The following SCLY variants were observed in gnomAD, a reference collection of about 807,000 sequenced individuals.
SCLY encodes the protein selenocysteine lyase.
A neutral mutation model predicts 50.1 loss-of-function variants in SCLY; 38 were observed. That is an observed-to-expected ratio of 0.76 (90% CI 0.59 to 0.99). SCLY has a LOEUF of 0.99. SCLY is among the 50% of genes least tolerant of loss of function. The pLI is 0.00. For synonymous variants in SCLY, 243 were observed against 249.4 expected, an observed-to-expected ratio of 0.97 and a Z score of 0.24; for missense variants, 600 against 620.0, an observed-to-expected ratio of 0.97 and a Z score of 0.34.
chr2:238,082,354 G>C, intron 6 of SCLY, 145 bp downstream of exon 6: 1 of 747,030 alleles, frequency 1.3e-6, no homozygotes, highest in Non-Finnish European at 2.1e-6. Context: ...TTGTCCTCAG[G>C]AGCTTTAAGA....
intron 8 of SCLY, chr2:238,093,379 C>A (rs1031024092): frequency 5.4e-6 from 1 of 184,350 alleles, no homozygotes; most frequent in African/African-American, 2.3e-5. Flanking sequence ...GCCTTCACCC[C>A]CTCCACACTC....
chr2:238,086,002 A>G (rs373867037), intron 7 of SCLY, among the ~76,000 whole-genome samples: 1 of 152,232 alleles, frequency 6.6e-6, no homozygotes, highest in East Asian at 1.9e-4. Context: ...GAATTCTCTA[A>G]AGCAGTCAGA....
chr2:238,091,800 A>C (rs1354633991), intron 8 of SCLY: 4 of 160,170 alleles, frequency 2.5e-5, no homozygotes, highest in African/African-American at 9.6e-5. Flanking sequence ...CATGAACCAC[A>C]GCTACATTGG....
chr2:238,098,328 C>G lies in SCLY; in HGVS notation c.1311C>G (p.Ala437=), dbSNP rs144509712. The G allele has an allele frequency of 1.2e-6, 2 of 1,603,766 alleles. No individual in the cohort carries two copies. The highest frequency in any genetic ancestry group is 2.2e-5 in the East Asian group (1 of 44,792). The change falls in exon 12 of 12, where the codon GCC becomes GCG. Residue 437 remains alanine (A), a synonymous_variant. Coordinates refer to ENST00000254663, the MANE Select transcript of SCLY (RefSeq NM_016510.7). ...TCGTCGTGCAGGACCTGAAGCAGGC[C>G]GTGGCGCAGCTGGAGGACCAGGCCT... The part of the protein sequence containing the change: ...VDLVVQDLKQ[A]VAQLEDQA
chr2:238,079,513 T>C (rs1050262306), intron 4 of SCLY: 1 of 152,264 alleles, frequency 6.6e-6, no homozygotes, highest in African/African-American at 2.4e-5. Flanking sequence ...CTTTCCTTAA[T>C]AGACAATTCT....
intron 4 of SCLY, among the ~76,000 whole-genome samples, chr2:238,071,566 G>A (rs1367987536): frequency 2.0e-5 from 3 of 152,288 alleles, no homozygotes; most frequent in Non-Finnish European, 2.9e-5. Flanking sequence ...AGCCAAAATC[G>A]TGCCACTGCA....
intron 4 of SCLY, among the ~76,000 whole-genome samples, chr2:238,070,450 C>T (rs1057211801): frequency 6.6e-5 from 10 of 151,994 alleles, no homozygotes; most frequent in African/African-American, 2.2e-4. Flanking sequence ...GAGGTGGAGG[C>T]GGGTGGATCA....
At position 238,098,908 on chromosome 2, in the gene SCLY, C is replaced by G; in HGVS notation, c.*553C>G. ...GTCTCTTCTCAGGCCCTTTTTAGTC[C>G]CTTTCCAAAGCTGCCCCCACCACCC... On this transcript the variant is annotated 3_prime_UTR_variant, in exon 12 of 12. Coordinates refer to ENST00000254663, the MANE Select transcript of SCLY (RefSeq NM_016510.7). 4.6e-6 allele frequency: 1 copy of G among 218,894 alleles called. No homozygotes were observed. Among genetic ancestry groups the G allele is most frequent in the East Asian group, 1.2e-4 (1 of 8,368 alleles). 13.6% of individuals were successfully genotyped at this position (218,894 alleles called of 1,614,324 possible). A position where few individuals can be genotyped will look rare whatever the true frequency, so the allele number is the denominator to read the frequency against.
In SCLY at chr2:238,081,807, C is replaced by T; in HGVS notation, c.583C>T (p.Leu195=). Residue 195 remains leucine (L), a synonymous_variant, in exon 5 of 12, where the codon CTG becomes TTG. Coordinates refer to ENST00000254663, the MANE Select transcript of SCLY (RefSeq NM_016510.7). ...RPTTRLVTIM[L]ANNETGIVMP... is the part of the protein sequence containing the mutation. ...GACCACACGCCTCGTGACCATCATG[C>T]TGGCCAACAATGAGACTGGCATTGT... 6.2e-7 allele frequency: 1 copy of T among 1,614,084 alleles called. No homozygotes were observed. Among genetic ancestry groups the T allele is most frequent in the Non-Finnish European group, 8.5e-7 (1 of 1,180,026 alleles).
intron 2 of SCLY, 45 bp from the exon 3 acceptor site, chr2:238,068,020 G>A (rs777655622): frequency 2.1e-6 from 3 of 1,416,112 alleles, no homozygotes; most frequent in African/African-American, 1.4e-5. Context: ...CGTTGATTGA[G>A]CTTGGTGAAG....
In SCLY at chr2:238,096,411, A is replaced by C. The variant is rs145417380; in HGVS notation, c.1109-390A>C. Among the ~76,000 whole-genome samples the C allele has an allele frequency of 1.0e-3, 154 of 152,322 alleles. 2 individuals carry two copies. In the East Asian group the frequency reaches 0.026, roughly 26 times the overall value. ...TGGCTGTGCTTGTGAAAGAAGAGGG[A>C]AATGCCTTCTGGCTTAATAGAACTC... On this transcript the variant is annotated intron_variant, in intron 10 of 11. Transcript: ENST00000254663.
Position 238,083,302 on chromosome 2 carries a change from C to T in SCLY, c.832C>T (p.Pro278Ser). 2.5e-6 allele frequency: 4 copies of T among 1,613,980 alleles called. No individual in the cohort carries two copies. The highest frequency in any genetic ancestry group is 3.4e-6 in the Non-Finnish European group (4 of 1,179,866). ...TATACGAGGACTTGGTGAATTTACC[C>T]CTCTCTACCCTATGCTATTTGGAGG... is the stretch of plus-strand genomic sequence containing the variant. The part of the protein sequence containing the change: ...LYIRGLGEFT[P>S]LYPMLFGGGQ... Residue 278 changes from proline to serine, a missense_variant, in exon 7 of 12, where the codon CCT (proline) becomes TCT (serine). Physicochemically the swap from Pro to Ser is moderately conservative, Grantham distance 74. Coordinates refer to ENST00000254663, the MANE Select transcript of SCLY (RefSeq NM_016510.7). The surrounding 1 kb of genome is among the most constrained non-coding windows in gnomAD (Gnocchi z 4.3).
At chr2:238,097,656 G>A (rs2065453740) in intron 11 of SCLY, among the ~76,000 whole-genome samples, 1 of 152,078 alleles carries the variant, frequency 6.6e-6, no homozygotes, top group South Asian at 2.1e-4. Context: ...AGGAGGGGCA[G>A]GGGAGGAAAG....
intron 7 of SCLY, among the ~76,000 whole-genome samples, chr2:238,084,824 G>A (rs894640514): frequency 1.3e-5 from 2 of 150,460 alleles, no homozygotes; most frequent in Non-Finnish European, 3.0e-5. Context: ...AACCCGGGAG[G>A]CGGAGGTTGC....
At chr2:238,061,669 G>A (rs2065019995) in intron 1 of SCLY, among the ~76,000 whole-genome samples, 1 of 152,176 alleles carries the variant, frequency 6.6e-6, no homozygotes. Flanking sequence ...AACAACCTAG[G>A]AGAGAGATGT....
intron 9 of SCLY, 112 bp downstream of exon 9, chr2:238,094,056 G>A: frequency 2.1e-6 from 2 of 934,818 alleles, no homozygotes; most frequent in East Asian, 2.6e-5. Flanking sequence ...TTGCAGCGTA[G>A]CCTGGAACTC....
intron 10 of SCLY, chr2:238,096,220 T>A (rs2065433256): frequency 6.3e-6 from 1 of 158,290 alleles, no homozygotes; most frequent in Admixed American, 6.0e-5. Flanking sequence ...GGCTAATTTT[T>A]AAAAAATATT....
In SCLY at chr2:238,088,173, G is replaced by T. The variant is rs570373731; in HGVS notation, c.885-3045G>T. Among the ~76,000 whole-genome samples the T allele has an allele frequency of 7.2e-5, 11 of 152,232 alleles. No individual in the cohort carries two copies. In the South Asian group the frequency reaches 2.3e-3, roughly 32 times the overall value. On this transcript the variant is annotated intron_variant, in intron 7 of 11. Coordinates refer to ENST00000254663, the MANE Select transcript of SCLY (RefSeq NM_016510.7). The stretch of plus-strand genomic sequence containing the variant: ...AAGGCTGGTTCAATATTCAAAATGC[G>T]ATCTAGAGCCGGGAGTGGTAGCTCA...
chr2:238,091,549 C>CTT, intron 8 of SCLY: 11 of 339,038 alleles, frequency 3.2e-5, no homozygotes, highest in Admixed American at 1.8e-4. Flanking sequence ...TGCAGGTTCA[C>CTT]CATTCCCAAA....
Sources: allele counts gnomAD v4.1 joint callset (sites outside exome capture counted in the v4.1 genomes callset), GRCh38; gene constraint gnomAD v4.1.1; non-coding constraint Gnocchi (gnomAD v3.1); transcripts MANE v1.5; gene names NCBI Gene and HGNC (gene_info 2026-07-23, HGNC 2026-07-21).